The following NRG1 variants were observed in gnomAD, a reference collection of about 807,000 sequenced individuals.
NRG1 encodes the protein pro-neuregulin-1, membrane-bound isoform.
Under a neutral mutation model 63.8 loss-of-function variants are expected in NRG1, and 18 were observed. The observed-to-expected ratio is 0.28, with a 90% confidence interval of 0.19 to 0.42. The LOEUF (loss-of-function observed/expected upper bound fraction) is 0.42, where lower values mean the gene tolerates loss of function less well. Ranked by LOEUF, NRG1 falls within the 10% of genes least tolerant of loss-of-function variation. The pLI is 1.00. For synonymous variants in NRG1, 302 were observed against 301.3 expected (o/e 1.00, Z -0.02); for missense variants, 762 against 814.7 (o/e 0.94, Z 0.79).
At chr8:32,373,205 A>AT (rs1158097763) in intron 1 of NRG1, among the ~76,000 whole-genome samples, 1 of 152,150 alleles carries the variant, frequency 6.6e-6, no homozygotes, top group Non-Finnish European at 1.5e-5. Context: ...CAGGCAGCTG[A>AT]TTTTTTTAAA....
chr8:32,434,329 C>T (rs1251414144), intron 1 of NRG1, among the ~76,000 whole-genome samples: 1 of 152,072 alleles, frequency 6.6e-6, no homozygotes, highest in African/African-American at 2.4e-5. Context: ...AGGTACTATG[C>T]TGAGTGCTAA....
intron 1 of NRG1, among the ~76,000 whole-genome samples, chr8:32,573,585 C>T (rs1386069119): frequency 2.0e-5 from 3 of 152,112 alleles, no homozygotes; most frequent in African/African-American, 7.2e-5. Flanking sequence ...CATTAGGAAT[C>T]TGAGTTAGGA....
chr8:32,401,240 A>G (rs1427740967), intron 1 of NRG1, among the ~76,000 whole-genome samples: 1 of 152,268 alleles, frequency 6.6e-6, no homozygotes, highest in Non-Finnish European at 1.5e-5. Context: ...CCAAAGCCCC[A>G]TGACACGCAG....
At chr8:31,775,136 C>T (rs1043739192) in intron 1 of NRG1, among the ~76,000 whole-genome samples, 2 of 152,168 alleles carry the variant, frequency 1.3e-5, no homozygotes, top group Admixed American at 6.5e-5. Context: ...AAAGAGATAC[C>T]TGTACTCATA....
At chr8:32,176,280 G>A (rs908268236) in intron 1 of NRG1, among the ~76,000 whole-genome samples, 9 of 152,178 alleles carry the variant, frequency 5.9e-5, no homozygotes, top group African/African-American at 1.9e-4. Flanking sequence ...GCCATATGTA[G>A]AAAGCTGAAA....
intron 1 of NRG1, among the ~76,000 whole-genome samples, chr8:31,909,916 G>A (rs1404142846): frequency 1.3e-5 from 2 of 152,072 alleles, no homozygotes; most frequent in South Asian, 2.1e-4. Context: ...GCCACTCTTC[G>A]TGATGTGAGG....
intron 1 of NRG1, among the ~76,000 whole-genome samples, chr8:32,329,130 C>A (rs1424893799): frequency 1.3e-5 from 2 of 152,086 alleles, no homozygotes; most frequent in Non-Finnish European, 2.9e-5. Context: ...CCATGCCTGG[C>A]TAATTGTTTC....
intron 1 of NRG1, among the ~76,000 whole-genome samples, chr8:31,936,445 A>C (rs185777479): frequency 2.0e-5 from 3 of 152,274 alleles, no homozygotes; most frequent in Admixed American, 2.0e-4. Context: ...AGTAATCTTG[A>C]GTGTCTCCCC....
chr8:31,762,369 A>G (rs1343617473), intron 1 of NRG1, among the ~76,000 whole-genome samples: 1 of 152,200 alleles, frequency 6.6e-6, no homozygotes, highest in Non-Finnish European at 1.5e-5. Context: ...TGCAGAAGAC[A>G]TTATCTCATT....
chr8:32,493,712 A>G (rs1404296851), intron 1 of NRG1, among the ~76,000 whole-genome samples: 1 of 152,232 alleles, frequency 6.6e-6, no homozygotes, highest in Non-Finnish European at 1.5e-5. Context: ...ACCAGAAGAA[A>G]AATTTTAAAT....
At chr8:32,049,193 A>G (rs1821580277) in intron 1 of NRG1, among the ~76,000 whole-genome samples, 1 of 152,156 alleles carries the variant, frequency 6.6e-6, no homozygotes, top group South Asian at 2.1e-4. Flanking sequence ...AAAGCTAAGG[A>G]AACCCTGAGA....
intron 1 of NRG1, among the ~76,000 whole-genome samples, chr8:31,963,914 G>A (rs747116879): frequency 6.6e-6 from 1 of 152,158 alleles, no homozygotes; most frequent in Non-Finnish European, 1.5e-5. Flanking sequence ...AGATCAGGCT[G>A]TTTTCTGTAG....
chr8:32,646,299 T>C (rs1853530560), intron 5 of NRG1, among the ~76,000 whole-genome samples: 3 of 152,118 alleles, frequency 2.0e-5, no homozygotes, highest in Non-Finnish European at 2.9e-5. Context: ...AAGTCTTACA[T>C]AGTCATTGCA....
chr8:31,909,493 G>A (rs1394633142), intron 1 of NRG1, among the ~76,000 whole-genome samples: 1 of 152,116 alleles, frequency 6.6e-6, no homozygotes, highest in Admixed American at 6.6e-5. Context: ...AAAATAAGAT[G>A]ACTTTCAGTC....
intron 5 of NRG1, among the ~76,000 whole-genome samples, chr8:32,657,583 A>G (rs1446533778): frequency 6.6e-6 from 1 of 152,194 alleles, no homozygotes; most frequent in Non-Finnish European, 1.5e-5. Flanking sequence ...TCCTTTGCTA[A>G]GTAACAGGAA....
At chr8:32,648,358 C>T (rs1854156971) in intron 5 of NRG1, 2 of 1,614,102 alleles carry the variant, frequency 1.2e-6, no homozygotes, top group Admixed American at 3.3e-5. Context: ...ACAACAGAAA[C>T]TAATCTCCAA....
chr8:32,674,171 T>A lies in NRG1; in HGVS notation c.503-53778T>A, dbSNP rs1806439652. Among the ~76,000 whole-genome samples, 6 of 152,328 alleles carry A rather than the reference T, an allele frequency of 3.9e-5. No individual in the cohort carries two copies. The South Asian group carries it at 1.2e-3, about 32-fold the overall frequency. The stretch of plus-strand genomic sequence containing the variant: ...CTCATCAATACAGTGCAGTTTTATT[T>A]TTTAACTGAAGAATTCGTGTTTTGA... On this transcript the variant is annotated intron_variant, in intron 5 of 11. Transcript: ENST00000356819.
intron 1 of NRG1, chr8:32,191,905 T>G (rs1842528037): frequency 6.6e-6 from 1 of 152,198 alleles, no homozygotes; most frequent in South Asian, 2.1e-4. Flanking sequence ...TACAACACAA[T>G]CAGATCTTCC....
intron 1 of NRG1, among the ~76,000 whole-genome samples, chr8:32,152,988 A>G (rs1466951324): frequency 2.0e-5 from 3 of 152,276 alleles, no homozygotes; most frequent in African/African-American, 7.2e-5. Flanking sequence ...TCTTTTGGAG[A>G]AGGCATACTG....
Sources: allele counts gnomAD v4.1 joint callset (sites outside exome capture counted in the v4.1 genomes callset), GRCh38; gene constraint gnomAD v4.1.1; transcripts MANE v1.5; gene names NCBI Gene and HGNC (gene_info 2026-07-23, HGNC 2026-07-21).